The following BTAF1 variants were observed in gnomAD, a reference collection of about 807,000 sequenced individuals.
The protein encoded by BTAF1 is B-TFIID TATA-box binding protein associated factor 1, also known as TATA-binding protein-associated factor 172.
In BTAF1, 38 loss-of-function variants were observed where a neutral mutation model predicts 227.1. The observed-to-expected ratio is 0.17, with a 90% CI of 0.13 to 0.22. The LOEUF (loss-of-function observed/expected upper bound fraction) is 0.22, where lower values mean the gene tolerates loss of function less well. BTAF1 is among the 10% of genes least tolerant of loss of function. The pLI, the probability that BTAF1 is intolerant of heterozygous loss-of-function variation, is 1.00. For synonymous variants in BTAF1, 742 were observed against 751.9 expected, an observed-to-expected ratio of 0.99 and a Z score of 0.21; for missense variants, 1,598 against 2,204.0, an observed-to-expected ratio of 0.73 and a Z score of 5.51.
intron 33 of BTAF1, among the ~76,000 whole-genome samples, chr10:92,017,524 G>GT (rs999576984): frequency 5.9e-5 from 9 of 151,882 alleles, no homozygotes; most frequent in African/African-American, 1.2e-4. Context: ...GTTTTGTTTT[G>GT]TTTTTTTAAG....
At position 92,030,866 on chromosome 10, in the gene BTAF1, A is replaced by C. The variant is rs1311837450; in HGVS notation, c.*1933A>C. 6.6e-6 allele frequency among the ~76,000 whole-genome samples: 1 copy of C among 152,176 alleles called. No homozygotes were observed. Among genetic ancestry groups the C allele is most frequent in the African/African-American group, 2.4e-5 (1 of 41,434 alleles). On this transcript the variant is annotated 3_prime_UTR_variant, in exon 38 of 38. Coordinates refer to ENST00000265990, the MANE Select transcript of BTAF1 (RefSeq NM_003972.3). ...TTCCAACTTTTCCATAGAAAGGAAA[A>C]CATGTAAACAGGTAAGAACTAAGTA...
In BTAF1 at chr10:91,992,326, T is replaced by G; in HGVS notation, c.3045+17T>G. 1 of 1,550,080 alleles carries G rather than the reference T, an allele frequency of 6.5e-7. No individual in the cohort carries two copies. Among genetic ancestry groups the G allele is most frequent in the Non-Finnish European group, 8.7e-7 (1 of 1,149,874 alleles). ...CTTGATGAGGTAAGTAGTTTTTTTTTTTTTTTAATGCTTTGATTTTTAAAC... is the reference window on the plus strand; with the variant it reads ...CTTGATGAGGTAAGTAGTTTTTTTTGTTTTTTAATGCTTTGATTTTTAAAC... On this transcript the variant is annotated intron_variant, in intron 21 of 37. Transcript: ENST00000265990.
intron 21 of BTAF1, among the ~76,000 whole-genome samples, 169 bp downstream of exon 21, chr10:91,992,478 ATC>A (rs753923190): frequency 2.4e-4 from 37 of 152,244 alleles, no homozygotes; most frequent in Admixed American, 4.6e-4. Context: ...AACTTCAAAT[ATC>A]TCATGTCTCT....
chr10:92,003,857 T>A (rs1398556464), intron 25 of BTAF1, among the ~76,000 whole-genome samples: 1 of 152,184 alleles, frequency 6.6e-6, no homozygotes, highest in Non-Finnish European at 1.5e-5. Context: ...CTAATTTACA[T>A]TCCCACCAAC....
intron 14 of BTAF1, among the ~76,000 whole-genome samples, chr10:91,973,883 G>A (rs1225373246): frequency 4.2e-5 from 5 of 119,834 alleles, no homozygotes; most frequent in African/African-American, 6.3e-5. Flanking sequence ...CAGCCTGGGC[G>A]ACAGAGCGAG....
chr10:92,024,437 C>G (rs1042852319), intron 34 of BTAF1, among the ~76,000 whole-genome samples: 11 of 152,088 alleles, frequency 7.2e-5, no homozygotes, highest in Admixed American at 5.9e-4. Flanking sequence ...ATAATCCTTG[C>G]ACTTTGGGAG....
At chr10:91,934,094 A>G (rs1844438341) in intron 1 of BTAF1, among the ~76,000 whole-genome samples, 1 of 152,164 alleles carries the variant, frequency 6.6e-6, no homozygotes, top group African/African-American at 2.4e-5. Context: ...GTGTCAAAAG[A>G]TTGGATATGT....
chr10:91,956,793 A>T lies in BTAF1; in HGVS notation c.831+136A>T. Reference sequence around the variant, plus strand: ...ATCACGAGGTCAGGAGCTTGAGACCAGCCTGGCCAACATGGTGAAACCCTG... The same window carrying T: ...ATCACGAGGTCAGGAGCTTGAGACCTGCCTGGCCAACATGGTGAAACCCTG... On this transcript the variant is annotated intron_variant, in intron 7 of 37. Transcript: ENST00000265990. The T allele has an allele frequency of 4.5e-6, 4 of 887,760 alleles. No individual in the cohort carries two copies. In the South Asian group the frequency reaches 6.9e-5, roughly 15 times the overall value. 55.0% of individuals were successfully genotyped at this position (887,760 alleles called of 1,614,324 possible). A position where few individuals can be genotyped will look rare whatever the true frequency, so the allele number is the denominator to read the frequency against.
At position 91,924,004 on chromosome 10, in the gene BTAF1, G is replaced by A; in HGVS notation, c.-73G>A. ...CCGCGGCCTGGGCCTGCGCCGCTCA[G>A]CTCTCTGGAAACTAGCGCCTCAGCT... is the stretch of plus-strand genomic sequence containing the variant. On this transcript the variant is annotated 5_prime_UTR_variant, in exon 1 of 38. Transcript: ENST00000265990. 2 of 1,567,038 alleles carry A rather than the reference G, an allele frequency of 1.3e-6. No homozygotes were observed. The highest frequency in any genetic ancestry group is 1.7e-6 in the Non-Finnish European group (2 of 1,160,106).
intron 3 of BTAF1, among the ~76,000 whole-genome samples, chr10:91,941,312 T>C (rs1844980309): frequency 6.6e-6 from 1 of 152,220 alleles, no homozygotes; most frequent in South Asian, 2.1e-4. Flanking sequence ...CTTTAAAATT[T>C]TTACTAAATG....
Position 92,013,592 on chromosome 10 carries a change from C to T in BTAF1, c.4312-75C>T, listed in dbSNP as rs568165695. On this transcript the variant is annotated intron_variant, in intron 30 of 37. Transcript: ENST00000265990. ...TCATCTATATGATTATAATAATGGGCTTTCATTAATGTTACTTTTTTAGTT... is the reference window on the plus strand; with the variant it reads ...TCATCTATATGATTATAATAATGGGTTTTCATTAATGTTACTTTTTTAGTT... The T allele has an allele frequency of 9.1e-5, 141 of 1,556,334 alleles. 1 individual carries two copies. In the South Asian group the frequency reaches 1.5e-3, roughly 16 times the overall value.
In BTAF1 at chr10:91,980,497, G is replaced by A. The variant is rs754526608; in HGVS notation, c.1694G>A (p.Arg565Gln). ...ATACCTATACTGCCTGATATGCTCC[G>A]ACACATTTTTCAGTTCTGTGTTTTG... ...WLIPILPDML[R>Q]HIFQFCVLES... The change falls in exon 15 of 38, where the codon CGA (arginine) becomes CAA (glutamine). Residue 565 changes from arginine to glutamine, a missense_variant. Around this residue, in one of 10 missense-constraint regions of BTAF1, gnomAD observed 318 missense variants for 435.0 expected, o/e 0.73. Coordinates refer to ENST00000265990, the MANE Select transcript of BTAF1 (RefSeq NM_003972.3). The A allele has an allele frequency of 1.2e-5, 19 of 1,613,094 alleles. No homozygotes were observed. The highest frequency in any genetic ancestry group is 1.4e-5 in the Non-Finnish European group (16 of 1,179,418).
At chr10:91,993,505 T>C (rs1357383025) in intron 21 of BTAF1, among the ~76,000 whole-genome samples, 189 bp from the exon 22 acceptor site, 1 of 152,216 alleles carries the variant, frequency 6.6e-6, no homozygotes, top group Non-Finnish European at 1.5e-5. Context: ...AGTTAGGTGT[T>C]GTAGGCCCCT....
chr10:91,972,713 C>G (rs1335410569), intron 14 of BTAF1, among the ~76,000 whole-genome samples: 1 of 152,304 alleles, frequency 6.6e-6, no homozygotes, highest in Admixed American at 6.5e-5. Context: ...GGTGCAGTTC[C>G]ATGATTCCTT....
intron 24 of BTAF1, 22 bp downstream of exon 24, chr10:91,996,592 A>G: frequency 6.2e-7 from 1 of 1,604,988 alleles, no homozygotes; most frequent in Non-Finnish European, 8.5e-7. Context: ...CATTTGACAA[A>G]CTGTTCAGGA....
At chr10:91,961,580 T>C (rs1413375335) in intron 11 of BTAF1, among the ~76,000 whole-genome samples, 1 of 152,130 alleles carries the variant, frequency 6.6e-6, no homozygotes, top group Non-Finnish European at 1.5e-5. Context: ...CTTTTAGTGC[T>C]CTTCTCCCCT....
intron 14 of BTAF1, among the ~76,000 whole-genome samples, chr10:91,969,999 C>T (rs1847180419): frequency 6.6e-6 from 1 of 151,018 alleles, no homozygotes; most frequent in Non-Finnish European, 1.5e-5. Context: ...TTTTTAGTCC[C>T]TCAATGATTA....
rs1388214670 is a variant in BTAF1 at position 91,984,257 on chromosome 10, A to G, written c.2280A>G (p.Glu760=). The change falls in exon 19 of 38, where the codon GAA becomes GAG. Residue 760 remains glutamate, a synonymous_variant. Coordinates refer to ENST00000265990, the MANE Select transcript of BTAF1 (RefSeq NM_003972.3). The part of the protein sequence containing the change: ...VQPRLLDILS[E]HLYYDEIAVP... ...CGCGTTTACTTGATATCCTTTCAGAACATTTATATTATGACGAAATTGCCG... is the reference window on the plus strand; with the variant it reads ...CGCGTTTACTTGATATCCTTTCAGAGCATTTATATTATGACGAAATTGCCG... 5.6e-6 allele frequency: 9 copies of G among 1,613,870 alleles called. No individual in the cohort carries two copies. The Admixed American group carries it at 1.2e-4, about 21-fold the overall frequency.
At chr10:91,936,917 TC>T (rs2133798655) in intron 2 of BTAF1, among the ~76,000 whole-genome samples, 1 of 152,280 alleles carries the variant, frequency 6.6e-6, no homozygotes, top group African/African-American at 2.4e-5. Context: ...ATCAAATCAT[TC>T]CCAAAGAGGC....
Sources: allele counts gnomAD v4.1 joint callset (sites outside exome capture counted in the v4.1 genomes callset), GRCh38; gene constraint gnomAD v4.1.1; regional missense constraint gnomAD v4.1.1; transcripts MANE v1.5; gene names NCBI Gene and HGNC (gene_info 2026-07-23, HGNC 2026-07-21).